LSAMP: variants seen among roughly 807,000 people sequenced by gnomAD.
The protein encoded by LSAMP is limbic system associated membrane protein.
Under a neutral mutation model 38.6 loss-of-function variants are expected in LSAMP, and 7 were observed. The observed-to-expected ratio is 0.18, with a 90% confidence interval of 0.10 to 0.34. The LOEUF is 0.34. LSAMP is among the 10% of genes least tolerant of loss of function. The probability of loss-of-function intolerance (pLI) is 1.00; values close to 1 mark genes in which losing one functional copy is unlikely to be tolerated. For synonymous variants in LSAMP, 154 were observed against 166.8 expected, an observed-to-expected ratio of 0.92 and a Z score of 0.59; for missense variants, 313 against 420.0, an observed-to-expected ratio of 0.75 and a Z score of 2.23.
At chr3:116,317,857 C>T (rs190520430) in intron 1 of LSAMP, among the ~76,000 whole-genome samples, 139 of 150,596 alleles carry the variant, frequency 9.2e-4, no homozygotes, top group African/African-American at 3.2e-3. Flanking sequence ...GTAATAAGGC[C>T]GGGCGCGGTG....
At chr3:116,225,973 T>C (rs948048855) in intron 1 of LSAMP, among the ~76,000 whole-genome samples, 2 of 152,242 alleles carry the variant, frequency 1.3e-5, no homozygotes, top group African/African-American at 2.4e-5. Context: ...TTGCAACTTA[T>C]GTTCTGTGCA....
chr3:116,268,732 T>TTAAAG (rs1199487984), intron 1 of LSAMP, among the ~76,000 whole-genome samples: 1 of 152,062 alleles, frequency 6.6e-6, no homozygotes, highest in African/African-American at 2.4e-5. Flanking sequence ...TCTTATAATT[T>TTAAAG]TAAAGTATAT....
intron 1 of LSAMP, among the ~76,000 whole-genome samples, chr3:116,414,069 ATTATTTGTT>A (rs1013997980): frequency 4.6e-5 from 7 of 152,108 alleles, no homozygotes; most frequent in African/African-American, 1.7e-4. Flanking sequence ...AGGAATGGAC[ATTATTTGTT>A]TTAAACAGCA....
At chr3:116,212,705 A>C (rs938424832) in intron 1 of LSAMP, among the ~76,000 whole-genome samples, 6 of 152,340 alleles carry the variant, frequency 3.9e-5, no homozygotes, top group Non-Finnish European at 7.4e-5. Flanking sequence ...TGGAGTTATA[A>C]GTTTTTGTAA....
intron 1 of LSAMP, among the ~76,000 whole-genome samples, chr3:116,345,492 A>G (rs774242906): frequency 2.6e-5 from 4 of 152,128 alleles, no homozygotes; most frequent in Non-Finnish European, 4.4e-5. Context: ...ATGACTACCT[A>G]ATGTACATGG....
At chr3:116,221,578 T>C (rs1172110583) in intron 1 of LSAMP, among the ~76,000 whole-genome samples, 2 of 152,210 alleles carry the variant, frequency 1.3e-5, no homozygotes, top group Non-Finnish European at 2.9e-5. Context: ...GTGTGTGTCC[T>C]TCTAGACAGA....
chr3:116,113,400 C>T (rs1400593406), intron 1 of LSAMP, among the ~76,000 whole-genome samples: 1 of 87,114 alleles, frequency 1.1e-5, no homozygotes, highest in African/African-American at 4.4e-5. Flanking sequence ...TATGTTTGCC[C>T]TATATATATA....
At chr3:115,942,310 C>G (rs143213154) in intron 3 of LSAMP, among the ~76,000 whole-genome samples, 1 of 152,260 alleles carries the variant, frequency 6.6e-6, no homozygotes, top group Non-Finnish European at 1.5e-5. Context: ...ATATAGAAAC[C>G]TGTATCCCTT....
chr3:116,131,070 A>G (rs1009811993), intron 1 of LSAMP, among the ~76,000 whole-genome samples: 6 of 147,720 alleles, frequency 4.1e-5, no homozygotes, highest in Admixed American at 2.1e-4. Context: ...GGCTCACTGC[A>G]AGCTCCATCT....
intron 2 of LSAMP, among the ~76,000 whole-genome samples, chr3:116,040,492 G>A (rs1486475286): frequency 6.6e-6 from 1 of 152,168 alleles, no homozygotes; most frequent in Non-Finnish European, 1.5e-5. Flanking sequence ...TGCTCTACAT[G>A]CCATCTCTTG....
chr3:116,424,149 G>A (rs116140388), intron 1 of LSAMP, among the ~76,000 whole-genome samples: 73 of 152,348 alleles, frequency 4.8e-4, no homozygotes, highest in African/African-American at 1.7e-3. Flanking sequence ...TCCACTGTGT[G>A]TAGTGGGAAT....
rs144579670 is a variant in LSAMP at position 116,044,576 on chromosome 3, T to C, written c.389-24936A>G. Among the ~76,000 whole-genome samples the C allele has an allele frequency of 7.2e-3, 1,095 of 151,956 alleles. 5 individuals carry two copies. The highest frequency in any genetic ancestry group is 0.017 in the Admixed American group (252 of 15,260). On this transcript the variant is annotated intron_variant, in intron 2 of 6. Transcript: ENST00000490035. ...AAATGGGGAGTCTGACAGGTCTCTA[T>C]TTCTGGGCCACAGTTAGCAGCTGAA...
rs373405840 is a variant in LSAMP, at chr3:115,906,955, A to AG, written c.515-54339dup. Among the ~76,000 whole-genome samples the AG allele has an allele frequency of 1.5e-3, 232 of 152,298 alleles. 2 individuals are homozygous for AG. Among genetic ancestry groups the AG allele is most frequent in the African/African-American group, 5.3e-3 (220 of 41,552 alleles). ...AGGTTCTACATAGATTAAATCCAAG[A>AG]GGTAAACAACAATCCTAATAACCTA... is the stretch of plus-strand genomic sequence containing the variant. On this transcript the variant is annotated intron_variant, in intron 3 of 6. Transcript: ENST00000490035.
intron 3 of LSAMP, among the ~76,000 whole-genome samples, chr3:115,957,647 C>T (rs1938494406): frequency 6.6e-6 from 1 of 152,194 alleles, no homozygotes; most frequent in South Asian, 2.1e-4. Context: ...CCACATCAGC[C>T]TCAAATGCCC....
At chr3:115,844,521 G>A (rs916863526) in intron 4 of LSAMP, among the ~76,000 whole-genome samples, 4 of 152,162 alleles carry the variant, frequency 2.6e-5, no homozygotes, top group Non-Finnish European at 5.9e-5. Flanking sequence ...GGTGCTGTGG[G>A]GGAGATATTA....
intron 3 of LSAMP, among the ~76,000 whole-genome samples, chr3:115,934,916 G>A (rs1020920220): frequency 1.3e-5 from 2 of 152,068 alleles, no homozygotes; most frequent in African/African-American, 4.8e-5. Flanking sequence ...TAAAAACACT[G>A]TGTACAAGTG....
intron 1 of LSAMP, among the ~76,000 whole-genome samples, chr3:116,292,663 C>T (rs566375245): frequency 6.6e-6 from 1 of 152,282 alleles, no homozygotes; most frequent in South Asian, 2.1e-4. Context: ...TGTACTTGAT[C>T]TGGCCTCCTG....
intron 2 of LSAMP, among the ~76,000 whole-genome samples, chr3:116,070,715 A>C (rs919238515): frequency 1.3e-5 from 2 of 152,212 alleles, no homozygotes; most frequent in Non-Finnish European, 2.9e-5. Flanking sequence ...GTGACTGTGC[A>C]GGCAGCATTA....
chr3:116,116,281 T>G (rs758389951), intron 1 of LSAMP, among the ~76,000 whole-genome samples: 62 of 151,814 alleles, frequency 4.1e-4, no homozygotes, highest in Non-Finnish European at 7.1e-4. Context: ...CTTTAAAAAT[T>G]TTCTTCTGCT....
Sources: gnomAD v4.1 joint callset for allele counts (sites outside exome capture counted in the v4.1 genomes callset) on GRCh38, gnomAD v4.1.1 for gene constraint, MANE v1.5 for transcripts, NCBI Gene and HGNC (gene_info 2026-07-23, HGNC 2026-07-21) for gene names.